The following HEATR5B variants were observed in gnomAD, a reference collection of about 807,000 sequenced individuals.
The protein encoded by HEATR5B is HEAT repeat containing 5B, also known as HEAT repeat-containing protein 5B.
A neutral mutation model predicts 224.1 loss-of-function variants in HEATR5B; 156 were observed. The observed-to-expected ratio is 0.70, with a 90% CI of 0.61 to 0.80. The LOEUF (loss-of-function observed/expected upper bound fraction) is 0.80, where lower values mean the gene tolerates loss of function less well. Among genes scored for constraint, HEATR5B ranks in the 30% least tolerant of loss-of-function variants. The pLI, the probability that HEATR5B is intolerant of heterozygous loss-of-function variation, is 0.00. For synonymous variants in HEATR5B, 1,027 were observed against 893.0 expected (o/e 1.15, Z -2.68); for missense variants, 2,323 against 2,535.5 (o/e 0.92, Z 1.80).
chr2:37,062,251 A>C (rs551941021), intron 10 of HEATR5B, among the ~76,000 whole-genome samples: 1 of 151,988 alleles, frequency 6.6e-6, no homozygotes, highest in South Asian at 2.1e-4. Flanking sequence ...ACACGGTGAA[A>C]CCCTGTCTCT....
chr2:37,014,039 A>G lies in HEATR5B; in HGVS notation c.4105-19T>C. The G allele has an allele frequency of 6.9e-7, 1 of 1,451,550 alleles. No homozygotes were observed. The highest frequency in any genetic ancestry group is 1.5e-5 in the South Asian group (1 of 68,878). The allele number at this position is 1,451,550 out of a possible 1,614,324, so 89.9% of individuals were successfully genotyped here. ...TACATACCTAGACAAAGAGAATTCAAAAACTTTTGTGTAAAAAAAATTAAT... is the reference window on the plus strand; with the variant it reads ...TACATACCTAGACAAAGAGAATTCAGAAACTTTTGTGTAAAAAAAATTAAT... On this transcript the variant is annotated intron_variant, in intron 26 of 35. Coordinates refer to ENST00000233099, the MANE Select transcript of HEATR5B (RefSeq NM_019024.3).
chr2:37,070,630 C>CTAA (rs1210569830), intron 6 of HEATR5B, among the ~76,000 whole-genome samples: 2 of 152,198 alleles, frequency 1.3e-5, no homozygotes, highest in South Asian at 2.1e-4. Context: ...GCAAAATAGT[C>CTAA]TAATAATAAT....
chr2:37,083,869 G>A (rs1672792611), intron 1 of HEATR5B, among the ~76,000 whole-genome samples: 1 of 152,198 alleles, frequency 6.6e-6, no homozygotes, highest in African/African-American at 2.4e-5. Flanking sequence ...TGGCCAGAGG[G>A]ACTGAGGTCA....
Position 37,064,826 on chromosome 2 carries a change from C to T in HEATR5B, c.1498G>A (p.Ala500Thr). Residue 500 changes from alanine (A) to threonine (T), a missense_variant, in exon 10 of 36, where the codon GCT becomes ACT. Around this residue, in one of 12 missense-constraint regions of HEATR5B, gnomAD observed 502 missense variants for 517.8 expected, o/e 0.97. Transcript: ENST00000233099. ...ATTGCAAAACTATATCCACTGACAG[C>T]TTCTGGTGAGGTCTTCAAGTTGTTG... ...RLNNLKTSPE[A>T]VSGYSFAMAA... 3.7e-6 allele frequency: 6 copies of T among 1,614,072 alleles called. No individual in the cohort carries two copies. Among genetic ancestry groups the T allele is most frequent in the Non-Finnish European group, 4.2e-6 (5 of 1,179,994 alleles).
chr2:37,062,162 C>G lies in HEATR5B; in HGVS notation c.1585-112G>C, dbSNP rs1572916299. On this transcript the variant is annotated intron_variant, in intron 10 of 35. Coordinates refer to ENST00000233099, the MANE Select transcript of HEATR5B (RefSeq NM_019024.3). ...AAGTTGTTGGCTGGATGCGGTGGCTCATGCCTGTAATCCTAGCACTTTGGG... is the reference window on the plus strand; with the variant it reads ...AAGTTGTTGGCTGGATGCGGTGGCTGATGCCTGTAATCCTAGCACTTTGGG... The G allele has an allele frequency of 6.2e-6, 4 of 647,040 alleles. No homozygotes were observed. In the East Asian group the frequency reaches 1.2e-4, roughly 19 times the overall value. 40.1% of individuals were successfully genotyped at this position (647,040 alleles called of 1,614,324 possible).
rs182507501 is a variant in HEATR5B at position 36,983,304 on chromosome 2, C to T, written c.5912-1510G>A. Among the ~76,000 whole-genome samples the T allele has an allele frequency of 4.5e-3, 680 of 150,778 alleles. 2 individuals are homozygous for T. The highest frequency in any genetic ancestry group is 0.015 in the African/African-American group (633 of 40,986). On this transcript the variant is annotated intron_variant, in intron 35 of 35. Coordinates refer to ENST00000233099, the MANE Select transcript of HEATR5B (RefSeq NM_019024.3). ...TAGCACTTTGGGAGGCCAAGGTGGG[C>T]GGATCCCCTGGTCAGGAGTTTGAGA... is the stretch of plus-strand genomic sequence containing the variant.
chr2:37,020,856 G>A lies in HEATR5B; in HGVS notation c.3854-20C>T. 7 of 1,396,202 alleles carry A rather than the reference G, an allele frequency of 5.0e-6. No homozygotes were observed. Among genetic ancestry groups the A allele is most frequent in the Admixed American group, 2.8e-5 (1 of 35,884 alleles). 86.5% of individuals were successfully genotyped at this position (1,396,202 alleles called of 1,614,324 possible). On this transcript the variant is annotated intron_variant, in intron 24 of 35. Coordinates refer to ENST00000233099, the MANE Select transcript of HEATR5B (RefSeq NM_019024.3). ...GGTCATCTAAAAATAAAAATAGAAT[G>A]CAAAAATGAAAACTTTTCCAAAAAT...
chr2:37,032,962 C>A (rs1424782359), intron 21 of HEATR5B, among the ~76,000 whole-genome samples, 189 bp from the exon 22 acceptor site: 1 of 151,254 alleles, frequency 6.6e-6, no homozygotes, highest in Non-Finnish European at 1.5e-5. Context: ...CTCACTGCAA[C>A]CTCCGCCTTC....
At chr2:37,023,799 T>A (rs1463164947) in intron 24 of HEATR5B, among the ~76,000 whole-genome samples, 24 of 151,550 alleles carry the variant, frequency 1.6e-4, no homozygotes, top group Admixed American at 1.6e-3. Context: ...ATAAATAAAA[T>A]AAAAATAAAA....
intron 35 of HEATR5B, among the ~76,000 whole-genome samples, chr2:36,984,215 A>AAAAAAAAAAAAAAAC: frequency 1.3e-5 from 1 of 77,642 alleles, no homozygotes; most frequent in African/African-American, 5.9e-5. Context: ...AAAAAAAAAA[A>AAAAAAAAAAAAAAAC]ATATATATAT....
intron 33 of HEATR5B, among the ~76,000 whole-genome samples, chr2:36,993,284 C>A (rs1382486974): frequency 6.6e-6 from 1 of 152,008 alleles, no homozygotes; most frequent in East Asian, 1.9e-4. Flanking sequence ...GTAAATCAAT[C>A]CCAACACTTT....
Position 37,017,131 on chromosome 2 carries a change from A to T in HEATR5B, c.4104+2678T>A, listed in dbSNP as rs146617284. ...AAAACCTAAGTATTTTCTTCACATTAAAGAATCAGAAACTAGGCCGGGCAC... is the reference window on the plus strand; with the variant it reads ...AAAACCTAAGTATTTTCTTCACATTTAAGAATCAGAAACTAGGCCGGGCAC... On this transcript the variant is annotated intron_variant, in intron 26 of 35. Coordinates refer to ENST00000233099, the MANE Select transcript of HEATR5B (RefSeq NM_019024.3). Among the ~76,000 whole-genome samples the T allele has an allele frequency of 3.5e-4, 54 of 152,350 alleles. 1 individual carries two copies. Among genetic ancestry groups the T allele is most frequent in the African/African-American group, 1.3e-3 (52 of 41,584 alleles).
chr2:37,003,126 G>A (rs1667195224), intron 31 of HEATR5B, among the ~76,000 whole-genome samples: 2 of 151,844 alleles, frequency 1.3e-5, no homozygotes, highest in South Asian at 4.1e-4. Context: ...ATTGTGGAGT[G>A]TGTCTGTAAA....
At chr2:37,031,349 C>T (rs995117067) in intron 22 of HEATR5B, among the ~76,000 whole-genome samples, 1 of 151,598 alleles carries the variant, frequency 6.6e-6, no homozygotes, top group Non-Finnish European at 1.5e-5. Context: ...TAAATACATA[C>T]GTTAGTAAAT....
intron 26 of HEATR5B, among the ~76,000 whole-genome samples, chr2:37,018,745 C>T (rs750948288): frequency 1.3e-5 from 2 of 152,200 alleles, no homozygotes; most frequent in Non-Finnish European, 1.5e-5. Flanking sequence ...AGTTGCTTAT[C>T]TTCTCTCTTT....
At chr2:37,009,000 C>T (rs745766593) in intron 27 of HEATR5B, 152 bp from the exon 28 acceptor site, 2 of 659,628 alleles carry the variant, frequency 3.0e-6, no homozygotes, top group Non-Finnish European at 5.2e-6. Flanking sequence ...TGGCTCACAC[C>T]TGTAATCCCA....
At chr2:37,059,432 G>A (rs866731971) in intron 12 of HEATR5B, among the ~76,000 whole-genome samples, 111 of 82,156 alleles carry the variant, frequency 1.4e-3, no homozygotes, top group African/African-American at 5.5e-3. Flanking sequence ...GTGTGTGTGT[G>A]TGTGTGTGTG....
intron 22 of HEATR5B, among the ~76,000 whole-genome samples, chr2:37,031,907 ACC>A (rs1669157921): frequency 9.0e-6 from 1 of 111,456 alleles, no homozygotes; most frequent in African/African-American, 2.9e-5. Flanking sequence ...TTTAAGCTAT[ACC>A]TAAAACCCTC....
chr2:37,042,255 T>C (rs1366751103), intron 18 of HEATR5B, among the ~76,000 whole-genome samples: 1 of 152,204 alleles, frequency 6.6e-6, no homozygotes, highest in Non-Finnish European at 1.5e-5. Flanking sequence ...ATGTCCAAGA[T>C]GAATACGAGG....
Sources: allele counts gnomAD v4.1 joint callset (sites outside exome capture counted in the v4.1 genomes callset), GRCh38; gene constraint gnomAD v4.1.1; regional missense constraint gnomAD v4.1.1; transcripts MANE v1.5; gene names NCBI Gene and HGNC (gene_info 2026-07-23, HGNC 2026-07-21).